The following CHRM2 variants were observed in gnomAD, a reference collection of about 807,000 sequenced individuals.
The protein encoded by CHRM2 is cholinergic receptor muscarinic 2, also known as muscarinic acetylcholine receptor M2.
In CHRM2, 8 loss-of-function variants were observed where a neutral mutation model predicts 25.0. That is an observed-to-expected ratio of 0.32 (90% confidence interval 0.19 to 0.58). The LOEUF (loss-of-function observed/expected upper bound fraction) is 0.58, where lower values mean the gene tolerates loss of function less well. CHRM2 is among the 20% of genes least tolerant of loss of function. CHRM2 has a pLI of 0.88. For missense variants in CHRM2, 440 were observed against 567.1 expected, an observed-to-expected ratio of 0.78 and a Z score of 2.28; for synonymous variants, 202 against 205.7, an observed-to-expected ratio of 0.98 and a Z score of 0.15.
intron 2 of CHRM2, among the ~76,000 whole-genome samples, chr7:136,940,678 C>T (rs905985164): frequency 1.3e-5 from 2 of 152,146 alleles, no homozygotes; most frequent in Non-Finnish European, 2.9e-5. Flanking sequence ...ATATATATTG[C>T]TGTTTATTGA....
chr7:136,904,496 T>A (rs191071242), intron 2 of CHRM2, among the ~76,000 whole-genome samples: 81 of 151,992 alleles, frequency 5.3e-4, no homozygotes, highest in African/African-American at 2.0e-3. Context: ...CCTTTCTTTT[T>A]CCCAATATTA....
At chr7:136,906,751 T>C (rs1271079983) in intron 2 of CHRM2, among the ~76,000 whole-genome samples, 1 of 151,778 alleles carries the variant, frequency 6.6e-6, no homozygotes, top group African/African-American at 2.4e-5. Flanking sequence ...GTCCCCAACC[T>C]TTTTGGCCAC....
In CHRM2 at chr7:136,976,650, C is replaced by T. The variant is rs1802123989; in HGVS notation, c.-124-15537C>T. Among the ~76,000 whole-genome samples, 3 of 152,156 alleles carry T rather than the reference C, an allele frequency of 2.0e-5. No individual in the cohort carries two copies. The South Asian group carries it at 6.2e-4, about 31-fold the overall frequency. On this transcript the variant is annotated intron_variant, in intron 2 of 3. Transcript: ENST00000680005. ...CTGAGAAACCACATAGGAGCCTATT[C>T]TCGTGCATCAGGTCTGAGCTTTTGA... is the stretch of plus-strand genomic sequence containing the variant.
At chr7:136,930,916 A>AAAAAAAAAAAAAAAAAAAAT in intron 2 of CHRM2, among the ~76,000 whole-genome samples, 1 of 125,204 alleles carries the variant, frequency 8.0e-6, no homozygotes, top group Non-Finnish European at 1.6e-5. Flanking sequence ...AAAAAAAAAA[A>AAAAAAAAAAAAAAAAAAAAT]AAAAAAAAAA....
intron 3 of CHRM2, among the ~76,000 whole-genome samples, chr7:136,996,380 A>C (rs1305534068): frequency 7.9e-5 from 12 of 152,138 alleles, no homozygotes. Context: ...AACTTCACAA[A>C]TCAATAAAAT....
chr7:136,914,803 C>T (rs147704850), intron 2 of CHRM2, among the ~76,000 whole-genome samples: 1 of 151,956 alleles, frequency 6.6e-6, no homozygotes, highest in East Asian at 1.9e-4. Context: ...ATGCAAATGA[C>T]AGGTTTTGGT....
chr7:136,886,592 C>T lies in CHRM2; in HGVS notation c.-125+17174C>T, dbSNP rs75824372. On this transcript the variant is annotated intron_variant, in intron 2 of 3. Transcript: ENST00000680005. ...TCTAATTGAAAAATTCTGAGCCAGG[C>T]ACAGTGGCTCATGTCTGTAATCCCA... is the stretch of plus-strand genomic sequence containing the variant. Among the ~76,000 whole-genome samples the T allele has an allele frequency of 9.6e-3, 1,462 of 152,230 alleles. 26 individuals are homozygous for T. Among genetic ancestry groups the T allele is most frequent in the African/African-American group, 0.033 (1,390 of 41,540 alleles).
intron 2 of CHRM2, among the ~76,000 whole-genome samples, chr7:136,978,443 T>C (rs1342954948): frequency 1.3e-5 from 2 of 152,014 alleles, no homozygotes; most frequent in African/African-American, 4.8e-5. Flanking sequence ...AAACAGGAGA[T>C]TTATTAGCGC....
chr7:136,988,649 A>T (rs1803015192), intron 2 of CHRM2, among the ~76,000 whole-genome samples: 1 of 152,126 alleles, frequency 6.6e-6, no homozygotes. Flanking sequence ...AATAGAGTAG[A>T]CAAATAATAA....
At chr7:136,913,114 A>G (rs1026118031) in intron 2 of CHRM2, among the ~76,000 whole-genome samples, 1 of 151,980 alleles carries the variant, frequency 6.6e-6, no homozygotes, top group African/African-American at 2.4e-5. Flanking sequence ...CATTTATAAT[A>G]CATTAAGCTC....
At chr7:136,983,159 T>C (rs1388406751) in intron 2 of CHRM2, among the ~76,000 whole-genome samples, 1 of 152,224 alleles carries the variant, frequency 6.6e-6, no homozygotes, top group East Asian at 1.9e-4. Context: ...CTTTTTACTC[T>C]AATCTTGTCT....
In CHRM2 at chr7:137,020,140, T is replaced by C. The variant is rs535157161; in HGVS notation, c.*3874T>C. 1 of 151,344 alleles carries C rather than the reference T, an allele frequency of 6.6e-6. No individual in the cohort carries two copies. Among genetic ancestry groups the C allele is most frequent in the South Asian group, 2.1e-4 (1 of 4,810 alleles). 9.4% of individuals were successfully genotyped at this position (151,344 alleles called of 1,614,324 possible). On this transcript the variant is annotated 3_prime_UTR_variant, in exon 4 of 4. Transcript: ENST00000680005. ...GAAATGTGTGCATATTTAATGTATC[T>C]TCCTGGAATATGCTATGTGCTAAAT...
In CHRM2 at chr7:136,954,062, G is replaced by C. The variant is rs533021016; in HGVS notation, c.-124-38125G>C. ...CTCCAGGGCTCAGATGCTTATATCA[G>C]TCCAGAACTTTGTGTTCTTCCTTTG... is the stretch of plus-strand genomic sequence containing the variant. On this transcript the variant is annotated intron_variant, in intron 2 of 3. Coordinates refer to ENST00000680005, the MANE Select transcript of CHRM2 (RefSeq NM_001006630.2). 2.2e-3 allele frequency among the ~76,000 whole-genome samples: 331 copies of C among 152,236 alleles called. 1 individual carries two copies. The highest frequency in any genetic ancestry group is 4.0e-3 in the Non-Finnish European group (273 of 68,022).
chr7:136,916,398 T>C (rs952527559), intron 2 of CHRM2, among the ~76,000 whole-genome samples: 1 of 151,814 alleles, frequency 6.6e-6, no homozygotes, highest in African/African-American at 2.4e-5. Flanking sequence ...GGCTATTTTA[T>C]TTTTCTTTCA....
intron 2 of CHRM2, among the ~76,000 whole-genome samples, chr7:136,874,003 G>C (rs1030705031): frequency 6.6e-6 from 1 of 152,194 alleles, no homozygotes; most frequent in African/African-American, 2.4e-5. Context: ...AGTAATAAAA[G>C]ATAATTTTGA....
At chr7:136,977,244 T>C (rs1454827068) in intron 2 of CHRM2, among the ~76,000 whole-genome samples, 2 of 152,118 alleles carry the variant, frequency 1.3e-5, no homozygotes, top group East Asian at 1.9e-4. Flanking sequence ...ATTTTAATGG[T>C]TTCATGATAT....
intron 2 of CHRM2, among the ~76,000 whole-genome samples, chr7:136,876,854 T>C (rs1286970155): frequency 6.6e-6 from 1 of 152,106 alleles, no homozygotes; most frequent in Non-Finnish European, 1.5e-5. Flanking sequence ...TCACCAGGTA[T>C]AGTGCTTTAA....
At chr7:136,914,548 TAAAATAAGGCAGTATTATATAGGAG>T (rs1450640811) in intron 2 of CHRM2, among the ~76,000 whole-genome samples, 6 of 151,878 alleles carry the variant, frequency 4.0e-5, no homozygotes, top group African/African-American at 1.2e-4. Flanking sequence ...TATGTCCCTT[TAAAATAAGGCAGTATTATATAGGAG>T]AAAATAAGGC....
chr7:136,874,094 AAC>A (rs1795953093), intron 2 of CHRM2, among the ~76,000 whole-genome samples: 2 of 152,222 alleles, frequency 1.3e-5, no homozygotes, highest in Non-Finnish European at 2.9e-5. Flanking sequence ...ACTGCATAAG[AAC>A]ACACACATCC....
Sources: allele counts gnomAD v4.1 joint callset (sites outside exome capture counted in the v4.1 genomes callset), GRCh38; gene constraint gnomAD v4.1.1; transcripts MANE v1.5; gene names NCBI Gene and HGNC (gene_info 2026-07-23, HGNC 2026-07-21).